PELI3: variants seen among roughly 807,000 people sequenced by gnomAD.
The protein encoded by PELI3 is E3 ubiquitin-protein ligase pellino homolog 3.
Under a neutral mutation model 35.5 loss-of-function variants are expected in PELI3, and 19 were observed. The ratio of observed to expected loss-of-function variants is 0.54; its 90% CI spans 0.37 to 0.79. The LOEUF is 0.79. PELI3 is among the 30% of genes least tolerant of loss of function. The pLI, the probability that PELI3 is intolerant of heterozygous loss-of-function variation, is 0.00. For missense variants in PELI3, 490 were observed against 661.2 expected (o/e 0.74, Z 2.84); for synonymous variants, 262 against 279.2 (o/e 0.94, Z 0.62).
Position 66,471,355 on chromosome 11 carries a change from C to T in PELI3, c.338C>T (p.Thr113Met), listed in dbSNP as rs150549632. 16 of 1,613,856 alleles carry T rather than the reference C, an allele frequency of 9.9e-6. No individual in the cohort carries two copies. Among genetic ancestry groups the T allele is most frequent in the Admixed American group, 5.0e-5 (3 of 60,004 alleles). ...CCAGACGTCATGCACCACATCTCCA[C>T]GCCGCTCGTCTCCAAGGCAAGCAAC... Reference protein sequence around the residue: ...VKPDVMHHISTPLVSKALSNR... With the variant: ...VKPDVMHHISMPLVSKALSNR... Residue 113 changes from threonine to methionine, a missense_variant, in exon 4 of 8, where the codon ACG becomes ATG. This residue lies in a region of PELI3 where 137 missense variants were observed against 157.1 expected (regional missense o/e 0.87). Coordinates refer to ENST00000320740, the MANE Select transcript of PELI3 (RefSeq NM_145065.3).
Position 66,475,726 on chromosome 11 carries a change from G to A in PELI3, c.969G>A (p.Gln323=). The change falls in exon 8 of 8, where the codon CAG becomes CAA. Residue 323 remains glutamine, a synonymous_variant. Transcript: ENST00000320740. ...TGAAGCAACTGGAGGCCCAGCGGCAGGAGGCAAATGCAGCGCGGCCCCAGT... is the reference window on the plus strand; with the variant it reads ...TGAAGCAACTGGAGGCCCAGCGGCAAGAGGCAAATGCAGCGCGGCCCCAGT... The part of the protein sequence containing the change: ...PTLKQLEAQR[Q]EANAARPQCP... The A allele has an allele frequency of 6.2e-7, 1 of 1,612,094 alleles. No individual in the cohort carries two copies. Among genetic ancestry groups the A allele is most frequent in the Non-Finnish European group, 8.5e-7 (1 of 1,179,642 alleles).
Position 66,472,504 on chromosome 11 carries a change from A to G in PELI3, c.456+34A>G. ...AGGCCTCTCCACACACCTCCTGGCC[A>G]CCAGGCCTCTAGGCTCTGCAAGCAT... On this transcript the variant is annotated intron_variant, in intron 5 of 7. Transcript: ENST00000320740. 2.6e-6 allele frequency: 4 copies of G among 1,556,810 alleles called. No individual in the cohort carries two copies. In the South Asian group the frequency reaches 4.5e-5, roughly 17 times the overall value.
intron 1 of PELI3, 28 bp from the exon 2 acceptor site, chr11:66,468,100 A>G (rs1854598616): frequency 6.4e-7 from 1 of 1,571,062 alleles, no homozygotes; most frequent in African/African-American, 1.4e-5. Flanking sequence ...GGAACCTACA[A>G]AGCTCTTTTC....
intron 3 of PELI3, 55 bp from the exon 4 acceptor site, chr11:66,471,187 T>C: frequency 6.5e-7 from 1 of 1,545,986 alleles, no homozygotes; most frequent in Non-Finnish European, 8.8e-7. Context: ...GTTCACTTTC[T>C]CTCTTTCTCT....
intron 4 of PELI3, 117 bp downstream of exon 4, chr11:66,471,488 G>T: frequency 7.4e-7 from 1 of 1,343,866 alleles, no homozygotes; most frequent in Non-Finnish European, 1.0e-6. Context: ...AGCCCACTTT[G>T]TGTCATCACT....
Position 66,476,181 on chromosome 11 carries a change from C to T in PELI3, c.*14C>T, listed in dbSNP as rs1854915155. ...CCGCTGGATTAGGCTCCCTGGGGCCCCCTGCTGCTGTGCCCACCTGCCCAC... is the reference window on the plus strand; with the variant it reads ...CCGCTGGATTAGGCTCCCTGGGGCCTCCTGCTGCTGTGCCCACCTGCCCAC... On this transcript the variant is annotated 3_prime_UTR_variant, in exon 8 of 8. Coordinates refer to ENST00000320740, the MANE Select transcript of PELI3 (RefSeq NM_145065.3). 2 of 1,532,390 alleles carry T rather than the reference C, an allele frequency of 1.3e-6. No individual in the cohort carries two copies. The highest frequency in any genetic ancestry group is 1.2e-5 in the South Asian group (1 of 84,122). The allele number at this position is 1,532,390 out of a possible 1,614,324, so 94.9% of individuals were successfully genotyped here. A position where few individuals can be genotyped will look rare whatever the true frequency, so the allele number is the denominator to read the frequency against.
rs1854925045 is a variant in PELI3 at position 66,476,473 on chromosome 11, T to TG, written c.*311dup. On this transcript the variant is annotated 3_prime_UTR_variant, in exon 8 of 8. Coordinates refer to ENST00000320740, the MANE Select transcript of PELI3 (RefSeq NM_145065.3). The stretch of plus-strand genomic sequence containing the variant: ...TCGTGCCGCCGACACTGTGTGCCCC[T>TG]GGGGGAGTGAAGGGGCCAGGGGCCT... The TG allele has an allele frequency of 2.4e-6, 1 of 423,850 alleles. No individual in the cohort carries two copies. Among genetic ancestry groups the TG allele is most frequent in the South Asian group, 3.1e-5 (1 of 32,384 alleles). The allele number at this position is 423,850 out of a possible 1,614,324, so 26.3% of individuals were successfully genotyped here. A position where few individuals can be genotyped will look rare whatever the true frequency, so the allele number is the denominator to read the frequency against.
intron 7 of PELI3, chr11:66,474,129 G>A: frequency 1.4e-6 from 1 of 716,876 alleles, no homozygotes; most frequent in African/African-American, 1.8e-5. Context: ...GGGTCCCCAA[G>A]CATAGCATGC....
chr11:66,476,319 TG>T lies in PELI3; in HGVS notation c.*154del. On this transcript the variant is annotated 3_prime_UTR_variant, in exon 8 of 8. Coordinates refer to ENST00000320740, the MANE Select transcript of PELI3 (RefSeq NM_145065.3). ...TGGGCTGTGCCCTTCCCCCCAACTG[TG>T]GCCCCCCAAGGAGGTCCCCAAGATC... 1 of 869,966 alleles carries T rather than the reference TG, an allele frequency of 1.1e-6. No homozygotes were observed. Among genetic ancestry groups the T allele is most frequent in the Non-Finnish European group, 1.7e-6 (1 of 583,880 alleles). The allele number at this position is 869,966 out of a possible 1,614,324, so 53.9% of individuals were successfully genotyped here.
intron 3 of PELI3, among the ~76,000 whole-genome samples, chr11:66,469,729 C>T (rs187704391): frequency 2.6e-5 from 4 of 151,878 alleles, no homozygotes; most frequent in African/African-American, 9.7e-5. Flanking sequence ...TGAAAATACA[C>T]ATTGACAGGC....
At position 66,476,200 on chromosome 11, in the gene PELI3, TGCCCACCC is replaced by T; in HGVS notation, c.*34_*41del. The T allele has an allele frequency of 6.6e-7, 1 of 1,516,160 alleles. No individual in the cohort carries two copies. The highest frequency in any genetic ancestry group is 8.8e-7 in the Non-Finnish European group (1 of 1,134,700). The allele number at this position is 1,516,160 out of a possible 1,614,324, so 93.9% of individuals were successfully genotyped here. On this transcript the variant is annotated 3_prime_UTR_variant, in exon 8 of 8. Coordinates refer to ENST00000320740, the MANE Select transcript of PELI3 (RefSeq NM_145065.3). ...GGGGCCCCCTGCTGCTGTGCCCACC[TGCCCACCC>T]AGGTCCCCACCTCCTGCAGCCCAGA...
In PELI3 at chr11:66,469,791, G is replaced by GTTTTTTTTTTTTTT. The variant is rs34461329; in HGVS notation, c.224+899_224+900insTTTTTTTTTTTTTT. On this transcript the variant is annotated intron_variant, in intron 3 of 7. Coordinates refer to ENST00000320740, the MANE Select transcript of PELI3 (RefSeq NM_145065.3). ...CGCAGTGGGTGGGACCAGGGAATCTGTTTTTTTTTTTTGTTTTTTTTTTTT... is the reference window on the plus strand; with the variant it reads ...CGCAGTGGGTGGGACCAGGGAATCTGTTTTTTTTTTTTTTTTTTTTTTTTTTGTTTTTTTTTTTT... 1.3e-4 allele frequency among the ~76,000 whole-genome samples: 16 copies of GTTTTTTTTTTTTTT among 124,600 alleles called. 2 individuals carry two copies. Among genetic ancestry groups the GTTTTTTTTTTTTTT allele is most frequent in the African/African-American group, 4.0e-4 (13 of 32,228 alleles). The allele number at this position is 124,600 out of a possible 152,430, so 81.7% of individuals were successfully genotyped here. A position where few individuals can be genotyped will look rare whatever the true frequency, so the allele number is the denominator to read the frequency against.
In PELI3 at chr11:66,473,340, C is replaced by T; in HGVS notation, c.556C>T (p.Arg186Cys). ...EGPSAQSTIS[R>C]YACRILCDRR... ...CCCTTCTGCCCAGAGCACCATCTCC[C>T]GCTATGCCTGCCGCATCCTCTGTGA... Residue 186 changes from arginine (R) to cysteine (C), a missense_variant, in exon 6 of 8, where the codon CGC (arginine) becomes TGC (cysteine). This residue lies in a region of PELI3 where 349 missense variants were observed against 484.8 expected (regional missense o/e 0.72). Transcript: ENST00000320740. This position sits in a 1 kb window ranked among gnomAD's most constrained non-coding sequence, Gnocchi z 5.8. The T allele has an allele frequency of 6.2e-7, 1 of 1,613,426 alleles. No homozygotes were observed. The highest frequency in any genetic ancestry group is 8.5e-7 in the Non-Finnish European group (1 of 1,180,002).
rs769000410 is a variant in PELI3, at chr11:66,471,360, C to T, written c.343C>T (p.Leu115Phe). The change falls in exon 4 of 8, where the codon CTC becomes TTC. Residue 115 changes from leucine to phenylalanine, a missense_variant. Coordinates refer to ENST00000320740, the MANE Select transcript of PELI3 (RefSeq NM_145065.3). ...CGTCATGCACCACATCTCCACGCCG[C>T]TCGTCTCCAAGGCAAGCAACTGACC... ...PDVMHHISTP[L>F]VSKALSNRGQ... The T allele has an allele frequency of 6.2e-6, 10 of 1,613,814 alleles. No homozygotes were observed. Among genetic ancestry groups the T allele is most frequent in the East Asian group, 4.5e-5 (2 of 44,866 alleles).
chr11:66,472,845 G>A (rs111645347), intron 5 of PELI3, among the ~76,000 whole-genome samples: 4 of 152,288 alleles, frequency 2.6e-5, no homozygotes, highest in East Asian at 1.9e-4. Flanking sequence ...CCCACCCCAC[G>A]GGAAGATTAA....
chr11:66,475,749 A>C lies in PELI3; in HGVS notation c.992A>C (p.Gln331Pro). ...QRQEANAARPQCPVGLSTLAF... is the reference protein window; with the variant it reads ...QRQEANAARPPCPVGLSTLAF... ...CAGGAGGCAAATGCAGCGCGGCCCC[A>C]GTGCCCCGTGGGCCTCAGCACTCTG... Residue 331 changes from glutamine (Q) to proline (P), a missense_variant, in exon 8 of 8, where the codon CAG becomes CCG. Gln to Pro is a moderately conservative substitution (Grantham distance 76, BLOSUM62 -1). This residue lies in a region of PELI3 where 349 missense variants were observed against 484.8 expected (regional missense o/e 0.72). Coordinates refer to ENST00000320740, the MANE Select transcript of PELI3 (RefSeq NM_145065.3). 6.2e-7 allele frequency: 1 copy of C among 1,611,104 alleles called. No individual in the cohort carries two copies. Among genetic ancestry groups the C allele is most frequent in the Non-Finnish European group, 8.5e-7 (1 of 1,179,278 alleles).
In PELI3 at chr11:66,473,540, T is replaced by C. The variant is rs1854795767; in HGVS notation, c.651+105T>C. The C allele has an allele frequency of 7.2e-7, 1 of 1,385,862 alleles. No individual in the cohort carries two copies. Among genetic ancestry groups the C allele is most frequent in the African/African-American group, 1.5e-5 (1 of 68,800 alleles). The allele number at this position is 1,385,862 out of a possible 1,614,324, so 85.8% of individuals were successfully genotyped here. A position where few individuals can be genotyped will look rare whatever the true frequency, so the allele number is the denominator to read the frequency against. ...ATGAACCAGCCCACAGTAATCCAAA[T>C]GGTGGTCCTGGCAGTTAGCAACCCC... On this transcript the variant is annotated intron_variant, in intron 6 of 7. Transcript: ENST00000320740. The surrounding 1 kb of genome is among the most constrained non-coding windows in gnomAD (Gnocchi z 5.8).
chr11:66,472,173 CT>C (rs1351816368), intron 4 of PELI3, among the ~76,000 whole-genome samples, 195 bp from the exon 5 acceptor site: 1 of 152,072 alleles, frequency 6.6e-6, no homozygotes, highest in Non-Finnish European at 1.5e-5. Context: ...CGCACCCAGC[CT>C]GATAACCCCA....
intron 4 of PELI3, 75 bp downstream of exon 4, chr11:66,471,446 A>G: frequency 1.3e-6 from 2 of 1,558,154 alleles, no homozygotes; most frequent in Non-Finnish European, 8.8e-7. Flanking sequence ...TCCAGGTCCT[A>G]CCTGCCCACA....
Sources: gnomAD v4.1 joint callset for allele counts (sites outside exome capture counted in the v4.1 genomes callset) on GRCh38, gnomAD v4.1.1 for gene constraint, gnomAD v4.1.1 regional missense constraint, Gnocchi (gnomAD v3.1) non-coding constraint, MANE v1.5 for transcripts, NCBI Gene and HGNC (gene_info 2026-07-23, HGNC 2026-07-21) for gene names.